The following SUGCT variants were observed in gnomAD, a reference collection of about 807,000 sequenced individuals.
SUGCT encodes the protein succinyl-CoA:glutarate-CoA transferase.
A neutral mutation model predicts 55.0 loss-of-function variants in SUGCT; 41 were observed. That is an observed-to-expected ratio of 0.74 (90% CI 0.58 to 0.97). SUGCT has a LOEUF of 0.97. Ranked by LOEUF, SUGCT falls within the 50% of genes least tolerant of loss-of-function variation. The probability of loss-of-function intolerance (pLI) is 0.00; values close to 1 mark genes in which losing one functional copy is unlikely to be tolerated. For synonymous variants in SUGCT, 187 were observed against 200.4 expected, an observed-to-expected ratio of 0.93 and a Z score of 0.56; for missense variants, 568 against 547.8, an observed-to-expected ratio of 1.04 and a Z score of -0.37.
At chr7:40,683,944 C>G (rs1784359243) in intron 12 of SUGCT, 1 of 1,475,204 alleles carries the variant, frequency 6.8e-7, no homozygotes, top group Admixed American at 2.1e-5. Flanking sequence ...GTATTCCTTT[C>G]TGGAGGTTTT....
intron 12 of SUGCT, among the ~76,000 whole-genome samples, chr7:40,543,281 CTTT>C: frequency 6.6e-6 from 1 of 152,258 alleles, no homozygotes; most frequent in Admixed American, 6.5e-5. Flanking sequence ...AATTAATATT[CTTT>C]ATTTAGTTCA....
intron 13 of SUGCT, among the ~76,000 whole-genome samples, chr7:40,785,492 A>G (rs1299265275): frequency 2.0e-5 from 3 of 152,196 alleles, no homozygotes; most frequent in Non-Finnish European, 4.4e-5. Flanking sequence ...AAATCCAGGA[A>G]AAGCCTCCAA....
At chr7:40,558,243 T>G (rs1795659809) in intron 12 of SUGCT, among the ~76,000 whole-genome samples, 1 of 152,170 alleles carries the variant, frequency 6.6e-6, no homozygotes, top group East Asian at 1.9e-4. Context: ...AAAATTATTG[T>G]AAGATCTATT....
At chr7:40,708,249 A>T (rs145588883) in intron 12 of SUGCT, among the ~76,000 whole-genome samples, 3 of 152,288 alleles carry the variant, frequency 2.0e-5, no homozygotes, top group African/African-American at 7.2e-5. Context: ...ATGGTGTCCT[A>T]TACTTACCTC....
At chr7:40,946,982 G>A in the SUGCT span, among the ~76,000 whole-genome samples, 1 of 151,980 alleles carries the variant, frequency 6.6e-6, no homozygotes, top group South Asian at 2.1e-4. Flanking sequence ...TGAACTTTTT[G>A]GATGTGTAGA....
chr7:40,436,640 A>G (rs1421235090), intron 9 of SUGCT, among the ~76,000 whole-genome samples: 2 of 152,212 alleles, frequency 1.3e-5, no homozygotes, highest in Admixed American at 1.3e-4. Flanking sequence ...ATTTTCATAT[A>G]TGGTACATAG....
At chr7:40,361,024 G>T (rs1798125584) in intron 9 of SUGCT, among the ~76,000 whole-genome samples, 1 of 152,146 alleles carries the variant, frequency 6.6e-6, no homozygotes, top group Non-Finnish European at 1.5e-5. Flanking sequence ...AATTATTAGT[G>T]TGAATGTTGA....
chr7:40,395,884 T>C (rs1035258601), intron 9 of SUGCT, among the ~76,000 whole-genome samples: 3 of 152,322 alleles, frequency 2.0e-5, no homozygotes, highest in Non-Finnish European at 2.9e-5. Flanking sequence ...CTATAGACTG[T>C]TATTTTTACA....
intron 13 of SUGCT, among the ~76,000 whole-genome samples, chr7:40,798,945 A>G (rs946761589): frequency 1.3e-5 from 2 of 152,200 alleles, no homozygotes; most frequent in Non-Finnish European, 2.9e-5. Context: ...TCTCATTACA[A>G]GCTAAACTAC....
chr7:40,680,742 A>G (rs1029785757), intron 12 of SUGCT, among the ~76,000 whole-genome samples: 4 of 152,284 alleles, frequency 2.6e-5, no homozygotes, highest in African/African-American at 9.6e-5. Context: ...GCTCCCTTTG[A>G]TTATGGTGAC....
downstream of SUGCT, among the ~76,000 whole-genome samples, chr7:40,861,341 A>C (rs1365120213): frequency 6.6e-6 from 1 of 152,242 alleles, no homozygotes. Context: ...ATTGCTTTGT[A>C]ATCTGAGCAT....
chr7:40,293,572 C>T (rs1793927839), intron 8 of SUGCT, among the ~76,000 whole-genome samples: 1 of 152,096 alleles, frequency 6.6e-6, no homozygotes, highest in South Asian at 2.1e-4. Flanking sequence ...ATTCCTGGGC[C>T]TCACACGCAA....
At chr7:40,222,521 C>T (rs577471994) in intron 6 of SUGCT, among the ~76,000 whole-genome samples, 1 of 152,296 alleles carries the variant, frequency 6.6e-6, no homozygotes, top group Admixed American at 6.5e-5. Context: ...GAAGTACTGT[C>T]TGCACATGGT....
At chr7:40,754,188 A>T (rs930210078) in intron 13 of SUGCT, among the ~76,000 whole-genome samples, 1 of 152,182 alleles carries the variant, frequency 6.6e-6, no homozygotes, top group Admixed American at 6.5e-5. Context: ...CCTATTATAC[A>T]GTTAAAAGTG....
At chr7:40,681,476 G>A (rs190167888) in intron 12 of SUGCT, among the ~76,000 whole-genome samples, 3 of 152,212 alleles carry the variant, frequency 2.0e-5, no homozygotes, top group East Asian at 1.9e-4. Flanking sequence ...CACTTTCTCC[G>A]TACAGTAAGA....
chr7:40,644,319 A>G (rs898663644), intron 12 of SUGCT, among the ~76,000 whole-genome samples: 2 of 152,098 alleles, frequency 1.3e-5, no homozygotes, highest in South Asian at 2.1e-4. Flanking sequence ...GTCCCCTTGA[A>G]TGTTCTCTCT....
At chr7:40,241,789 G>A (rs752582194) in intron 7 of SUGCT, among the ~76,000 whole-genome samples, 8 of 151,646 alleles carry the variant, frequency 5.3e-5, no homozygotes, top group Non-Finnish European at 1.2e-4. Context: ...GCGTGGTGGT[G>A]TGCATCTGTA....
At chr7:40,482,714 T>C (rs531894067) in intron 11 of SUGCT, among the ~76,000 whole-genome samples, 1 of 152,334 alleles carries the variant, frequency 6.6e-6, no homozygotes, top group Admixed American at 6.5e-5. Context: ...CATTGTAATA[T>C]GTGATCCACA....
chr7:40,450,900 A>G lies in SUGCT; in HGVS notation c.888+1542A>G, dbSNP rs182748717. ...GGTAGGGAGCAGAGCTAAAAACCACAGCAAAGGGTTGGGAAGGACCAGGGA... is the reference window on the plus strand; with the variant it reads ...GGTAGGGAGCAGAGCTAAAAACCACGGCAAAGGGTTGGGAAGGACCAGGGA... On this transcript the variant is annotated intron_variant, in intron 10 of 13. Coordinates refer to ENST00000335693, the MANE Select transcript of SUGCT (RefSeq NM_001193313.2). 2.5e-3 allele frequency among the ~76,000 whole-genome samples: 380 copies of G among 152,308 alleles called. 3 individuals are homozygous for G. Among genetic ancestry groups the G allele is most frequent in the African/African-American group, 8.9e-3 (369 of 41,566 alleles).
Sources: gnomAD v4.1 joint callset for allele counts (sites outside exome capture counted in the v4.1 genomes callset) on GRCh38, gnomAD v4.1.1 for gene constraint, MANE v1.5 for transcripts, NCBI Gene and HGNC (gene_info 2026-07-23, HGNC 2026-07-21) for gene names.